Variants in SUMF1 observed in about 807,000 individuals in gnomAD.
SUMF1 encodes the protein formylglycine-generating enzyme.
In SUMF1, 48 loss-of-function variants were observed where a neutral mutation model predicts 47.6. The ratio of observed to expected loss-of-function variants is 1.01; its 90% CI spans 0.80 to 1.28. SUMF1 has a LOEUF of 1.28. SUMF1 is among the 50% of genes most tolerant of loss of function. SUMF1 has a pLI of 0.00. For missense variants in SUMF1, 571 were observed against 485.4 expected (o/e 1.18, Z -1.66); for synonymous variants, 230 against 192.1 (o/e 1.20, Z -1.63).
chr3:4,436,873 A>C (rs1219870071), intron 3 of SUMF1, among the ~76,000 whole-genome samples: 4 of 139,096 alleles, frequency 2.9e-5, no homozygotes, highest in African/African-American at 9.9e-5. Flanking sequence ...AATACAAAAA[A>C]CAAAAAACAA....
intron 8 of SUMF1, among the ~76,000 whole-genome samples, chr3:4,175,892 G>A (rs1559538115): frequency 6.6e-6 from 1 of 152,168 alleles, no homozygotes; most frequent in South Asian, 2.1e-4. Flanking sequence ...CATGACACAT[G>A]CACAAGCTTC....
chr3:4,058,843 A>C (rs1008512738), intron 9 of SUMF1, among the ~76,000 whole-genome samples: 1 of 152,142 alleles, frequency 6.6e-6, no homozygotes, highest in African/African-American at 2.4e-5. Context: ...ATTTCCAAAC[A>C]GTCAGGCTTA....
intron 8 of SUMF1, among the ~76,000 whole-genome samples, chr3:4,104,969 T>A (rs1574886598): frequency 6.6e-6 from 1 of 152,224 alleles, no homozygotes; most frequent in East Asian, 1.9e-4. Context: ...AGATATGGAA[T>A]AAACCTACGT....
intron 8 of SUMF1, among the ~76,000 whole-genome samples, chr3:4,155,033 G>A (rs1376496987): frequency 6.6e-6 from 1 of 151,466 alleles, no homozygotes; most frequent in East Asian, 1.9e-4. Context: ...AAGGCAATTT[G>A]AAAGGAACAT....
At position 4,229,353 on chromosome 3, in the gene SUMF1, T is replaced by C. The variant is rs929781146; in HGVS notation, c.1014+146977A>G. ...AGCCTTTGATAATCCACCTTTCTTATAAATGTCCACAGCCCCAAAAGCCAA... is the reference window on the plus strand; with the variant it reads ...AGCCTTTGATAATCCACCTTTCTTACAAATGTCCACAGCCCCAAAAGCCAA... On this transcript the variant is annotated intron_variant and NMD_transcript_variant, in intron 8 of 12. Transcript: ENST00000448413. 1.7e-5 allele frequency: 7 copies of C among 416,542 alleles called. No individual in the cohort carries two copies. The Admixed American group carries it at 1.9e-4, about 11-fold the overall frequency. 25.8% of individuals were successfully genotyped at this position (416,542 alleles called of 1,614,324 possible). A position where few individuals can be genotyped will look rare whatever the true frequency, so the allele number is the denominator to read the frequency against.
chr3:4,052,727 A>G (rs1201254371), intron 9 of SUMF1, among the ~76,000 whole-genome samples: 2 of 152,344 alleles, frequency 1.3e-5, no homozygotes, highest in Middle Eastern at 3.4e-3. Context: ...CAATTATTAC[A>G]GGTATACCTT....
chr3:4,209,958 G>A (rs780687302), intron 8 of SUMF1, among the ~76,000 whole-genome samples: 5 of 152,020 alleles, frequency 3.3e-5, no homozygotes, highest in South Asian at 2.1e-4. Context: ...GCAGTGGCAC[G>A]ATCTCAGCTC....
In SUMF1 at chr3:4,402,151, G is replaced by A. The variant is rs560487105; in HGVS notation, c.954+8714C>T. Among the ~76,000 whole-genome samples the A allele has an allele frequency of 3.1e-3, 466 of 152,256 alleles. 5 individuals are homozygous for A. The highest frequency in any genetic ancestry group is 0.011 in the African/African-American group (447 of 41,554). ...GAGGGCAGCTATGGCTCAGGGCACC[G>A]ATTAGGCATTTACTTAAGAAACTAA... is the stretch of plus-strand genomic sequence containing the variant. On this transcript the variant is annotated intron_variant, in intron 7 of 8. Transcript: ENST00000272902.
chr3:4,258,272 T>A (rs1272982830), intron 8 of SUMF1, among the ~76,000 whole-genome samples: 1 of 147,790 alleles, frequency 6.8e-6, no homozygotes, highest in Non-Finnish European at 1.5e-5. Context: ...GGGATCTAAT[T>A]AAACTAAAGA....
chr3:4,143,317 C>T (rs1195281166), intron 8 of SUMF1, among the ~76,000 whole-genome samples: 1 of 152,224 alleles, frequency 6.6e-6, no homozygotes, highest in Non-Finnish European at 1.5e-5. Context: ...CATTGTGTAC[C>T]AGGGATAAGT....
intron 2 of SUMF1, among the ~76,000 whole-genome samples, chr3:4,450,479 C>G (rs745734159): frequency 7.9e-5 from 12 of 152,146 alleles, no homozygotes; most frequent in Non-Finnish European, 1.3e-4. Flanking sequence ...CCTGCATTCC[C>G]TTGTGACACT....
rs542693919 is a variant in SUMF1, at chr3:4,366,335, C to T, written c.1015-4081G>A. On this transcript the variant is annotated intron_variant, in intron 8 of 8. Coordinates refer to ENST00000272902, the MANE Select transcript of SUMF1 (RefSeq NM_182760.4). ...GTTTCCAACTTGGTTCCATTCTCCC[C>T]GTCACTTTCAGGTACACCCATCAGA... is the stretch of plus-strand genomic sequence containing the variant. Among the ~76,000 whole-genome samples the T allele has an allele frequency of 5.3e-5, 8 of 152,128 alleles. No homozygotes were observed. The East Asian group carries it at 1.2e-3, about 22-fold the overall frequency.
chr3:4,342,976 A>G (rs1404330549), intron 8 of SUMF1, among the ~76,000 whole-genome samples: 2 of 152,246 alleles, frequency 1.3e-5, no homozygotes, highest in Non-Finnish European at 2.9e-5. Flanking sequence ...AAAAAGCCCC[A>G]CGGCTCAGGG....
At chr3:4,068,041 T>C (rs1038990427) in intron 9 of SUMF1, among the ~76,000 whole-genome samples, 1 of 152,174 alleles carries the variant, frequency 6.6e-6, no homozygotes, top group African/African-American at 2.4e-5. Flanking sequence ...AAAACTTGTG[T>C]TCTTCCCTAG....
chr3:4,094,047 A>G (rs895151936), intron 8 of SUMF1, among the ~76,000 whole-genome samples: 1 of 152,168 alleles, frequency 6.6e-6, no homozygotes, highest in African/African-American at 2.4e-5. Flanking sequence ...AATCCAAGAC[A>G]TACCTAAACT....
In SUMF1 at chr3:4,150,266, A is replaced by T. The variant is rs1057208717; in HGVS notation, c.1015-81521T>A. 4.8e-4 allele frequency among the ~76,000 whole-genome samples: 71 copies of T among 147,388 alleles called. 2 individuals carry two copies. Among genetic ancestry groups the T allele is most frequent in the African/African-American group, 3.8e-4 (14 of 37,146 alleles). On this transcript the variant is annotated intron_variant and NMD_transcript_variant, in intron 8 of 12. Coordinates refer to the SUMF1 transcript ENST00000448413. ...GTGCCACCATACTAGCTAATTTTTTAAAAAAATTTTGTAGGCCAGGCTCAG... is the reference window on the plus strand; with the variant it reads ...GTGCCACCATACTAGCTAATTTTTTTAAAAAATTTTGTAGGCCAGGCTCAG...
intron 8 of SUMF1, among the ~76,000 whole-genome samples, chr3:4,108,496 T>C (rs1191553763): frequency 6.6e-6 from 1 of 152,086 alleles, no homozygotes; most frequent in African/African-American, 2.4e-5. Context: ...TTCTGTCTTG[T>C]TGATCTGTCT....
At chr3:4,130,580 A>G (rs1693764614) in intron 8 of SUMF1, among the ~76,000 whole-genome samples, 2 of 152,286 alleles carry the variant, frequency 1.3e-5, no homozygotes, top group Admixed American at 1.3e-4. Context: ...GTGCCACAGG[A>G]TGAGAAATAA....
At chr3:4,121,828 A>T (rs1011463685) in intron 8 of SUMF1, among the ~76,000 whole-genome samples, 1 of 152,040 alleles carries the variant, frequency 6.6e-6, no homozygotes. Flanking sequence ...TATTAAGCCT[A>T]ATGCCCATTA....
Sources: gnomAD v4.1 joint callset for allele counts (sites outside exome capture counted in the v4.1 genomes callset) on GRCh38, gnomAD v4.1.1 for gene constraint, MANE v1.5 for transcripts, NCBI Gene and HGNC (gene_info 2026-07-23, HGNC 2026-07-21) for gene names.